The following SUMF1 variants were observed in gnomAD, a reference collection of about 807,000 sequenced individuals.
SUMF1 encodes formylglycine-generating enzyme.
SUMF1 carries 48 observed loss-of-function variants against 47.6 expected under a neutral mutation model. The observed-to-expected ratio is 1.01, with a 90% CI of 0.80 to 1.28. The LOEUF (loss-of-function observed/expected upper bound fraction) is 1.28. SUMF1 is among the 50% of genes most tolerant of loss of function. The pLI is 0.00. For synonymous variants in SUMF1, 230 were observed against 192.1 expected (o/e 1.20, Z -1.63); for missense variants, 571 against 485.4 (o/e 1.18, Z -1.66).
chr3:4,106,960 GA>G (rs1345260912), intron 8 of SUMF1, among the ~76,000 whole-genome samples: 1 of 151,786 alleles, frequency 6.6e-6, no homozygotes, highest in Non-Finnish European at 1.5e-5. Context: ...ACATAAAAGA[GA>G]AAAAAAATTC....
chr3:4,231,335 C>T (rs1559592439), intron 8 of SUMF1, among the ~76,000 whole-genome samples: 1 of 152,054 alleles, frequency 6.6e-6, no homozygotes, highest in Non-Finnish European at 1.5e-5. Flanking sequence ...ATTTTTCAGG[C>T]CCATTTTGGT....
At chr3:4,176,802 T>C (rs1694975143) in intron 8 of SUMF1, among the ~76,000 whole-genome samples, 3 of 152,096 alleles carry the variant, frequency 2.0e-5, no homozygotes, top group Non-Finnish European at 2.9e-5. Context: ...CCATCTCATA[T>C]GCAAAGACAC....
At chr3:4,216,510 G>T (rs1452228554) in intron 8 of SUMF1, among the ~76,000 whole-genome samples, 3 of 152,144 alleles carry the variant, frequency 2.0e-5, no homozygotes, top group African/African-American at 7.2e-5. Flanking sequence ...AGCACCAAAA[G>T]CAATGGCGAC....
chr3:4,038,133 T>C (rs1353903115), intron 9 of SUMF1, among the ~76,000 whole-genome samples: 1 of 152,170 alleles, frequency 6.6e-6, no homozygotes, highest in Non-Finnish European at 1.5e-5. Flanking sequence ...TCTTCAGGTT[T>C]ATATTTCCTC....
chr3:4,208,513 C>A (rs1574978880), intron 8 of SUMF1, among the ~76,000 whole-genome samples: 1 of 145,364 alleles, frequency 6.9e-6, no homozygotes, highest in Admixed American at 6.9e-5. Context: ...AGCATCATAA[C>A]CAGAGATAGA....
chr3:4,259,105 G>T (rs1278680963), intron 8 of SUMF1, among the ~76,000 whole-genome samples: 4 of 136,754 alleles, frequency 2.9e-5, no homozygotes, highest in African/African-American at 1.1e-4. Flanking sequence ...ACACTCTGGG[G>T]ACTGTGGTGG....
intron 8 of SUMF1, among the ~76,000 whole-genome samples, chr3:4,145,523 T>C (rs899058633): frequency 6.6e-6 from 1 of 152,172 alleles, no homozygotes; most frequent in African/African-American, 2.4e-5. Flanking sequence ...TTCTCCTACA[T>C]GACCTCCCTT....
intron 9 of SUMF1, among the ~76,000 whole-genome samples, chr3:4,047,214 T>G (rs1695022819): frequency 1.3e-5 from 2 of 152,156 alleles, no homozygotes; most frequent in South Asian, 4.1e-4. Flanking sequence ...TCATTATTCT[T>G]TGCCATTGTA....
chr3:4,039,132 A>AT (rs1213334675), intron 9 of SUMF1, among the ~76,000 whole-genome samples: 1 of 150,634 alleles, frequency 6.6e-6, no homozygotes, highest in Non-Finnish European at 1.5e-5. Flanking sequence ...CAGAAAATAC[A>AT]TTTAATATAT....
At position 4,292,517 on chromosome 3, in the gene SUMF1, C is replaced by T. The variant is rs534730628; in HGVS notation, c.1014+83813G>A. ...GCAATATATTGTATTTTATTCACCT[C>T]GTGGTCTATTCCAAAGGACACTGTC... On this transcript the variant is annotated intron_variant and NMD_transcript_variant, in intron 8 of 12. Transcript: ENST00000448413. Among the ~76,000 whole-genome samples, 10 of 152,332 alleles carry T rather than the reference C, an allele frequency of 6.6e-5. No individual in the cohort carries two copies. In the South Asian group the frequency reaches 1.0e-3, roughly 16 times the overall value.
intron 9 of SUMF1, among the ~76,000 whole-genome samples, chr3:4,039,209 A>T (rs1087821): frequency 0.38 from 14,856 of 38,930 alleles, 3,435 homozygotes; most frequent in East Asian, 0.59. Context: ...ATCTATGCAA[A>T]TTTTTTTTTT....
chr3:4,385,925 A>C (rs1700657300), intron 7 of SUMF1, among the ~76,000 whole-genome samples: 2 of 152,198 alleles, frequency 1.3e-5, no homozygotes, highest in Non-Finnish European at 2.9e-5. Context: ...TTTGTCAAAA[A>C]TCAGTTGGGC....
At chr3:4,076,208 T>C (rs1171974107) in intron 8 of SUMF1, among the ~76,000 whole-genome samples, 2 of 152,108 alleles carry the variant, frequency 1.3e-5, no homozygotes. Context: ...CCATCTATCT[T>C]TGACAAACCT....
intron 8 of SUMF1, among the ~76,000 whole-genome samples, chr3:4,272,995 G>A (rs1697333021): frequency 6.6e-6 from 1 of 151,800 alleles, no homozygotes; most frequent in Admixed American, 6.6e-5. Context: ...GGAATTCGAG[G>A]CTACTGTGAG....
intron 8 of SUMF1, among the ~76,000 whole-genome samples, chr3:4,220,053 G>GTA (rs1353354907): frequency 3.9e-5 from 6 of 152,162 alleles, no homozygotes; most frequent in Admixed American, 3.9e-4. Flanking sequence ...GAGGGAAAGA[G>GTA]TAAACATGGA....
At chr3:4,434,128 A>T (rs1343948138) in intron 3 of SUMF1, among the ~76,000 whole-genome samples, 2 of 152,248 alleles carry the variant, frequency 1.3e-5, no homozygotes, top group Non-Finnish European at 1.5e-5. Context: ...CAGAGGCTGA[A>T]GAGTTATTGT....
At chr3:4,273,107 CATATATATAT>C in intron 8 of SUMF1, among the ~76,000 whole-genome samples, 1 of 148,278 alleles carries the variant, frequency 6.7e-6, no homozygotes, top group African/African-American at 2.5e-5. Context: ...TATATATATA[CATATATATAT>C]ACACACACAT....
intron 7 of SUMF1, among the ~76,000 whole-genome samples, chr3:4,381,422 A>G (rs1700501425): frequency 6.6e-6 from 1 of 152,202 alleles, no homozygotes; most frequent in African/African-American, 2.4e-5. Context: ...AAAATCTCAC[A>G]GATCACCACT....
intron 9 of SUMF1, among the ~76,000 whole-genome samples, chr3:4,037,843 G>A (rs1405806596): frequency 1.3e-5 from 2 of 152,168 alleles, no homozygotes; most frequent in Non-Finnish European, 2.9e-5. Context: ...TTCTGGATGT[G>A]TTCACAGGGC....
Sources: allele counts gnomAD v4.1 joint callset (sites outside exome capture counted in the v4.1 genomes callset), GRCh38; gene constraint gnomAD v4.1.1; transcripts MANE v1.5; gene names NCBI Gene and HGNC (gene_info 2026-07-23, HGNC 2026-07-21).